Variants in NBEAL1 observed in about 807,000 individuals in gnomAD.
The protein encoded by NBEAL1 is neurobeachin-like protein 1.
In NBEAL1, 273 loss-of-function variants were observed where a neutral mutation model predicts 351.3. The observed-to-expected ratio is 0.78, with a 90% confidence interval of 0.70 to 0.86. The LOEUF is 0.86. Ranked by LOEUF, NBEAL1 falls within the 40% of genes least tolerant of loss-of-function variation. The pLI is 0.00. For synonymous variants in NBEAL1, 1,050 were observed against 1,086.4 expected, an observed-to-expected ratio of 0.97 and a Z score of 0.66; for missense variants, 2,961 against 3,201.3, an observed-to-expected ratio of 0.92 and a Z score of 1.81.
chr2:203,172,863 T>G lies in NBEAL1; in HGVS notation c.6323+10T>G, dbSNP rs1192990038. The G allele has an allele frequency of 1.3e-6, 2 of 1,589,152 alleles. No individual in the cohort carries two copies. Among genetic ancestry groups the G allele is most frequent in the African/African-American group, 2.7e-5 (2 of 73,778 alleles). On this transcript the variant is annotated intron_variant, in intron 41 of 55. Transcript: ENST00000683969. ...AAGCTATGAGAGAAAAGTAAGTGCTTCTTATTCCTTTTATAAAATACACAT... is the reference window on the plus strand; with the variant it reads ...AAGCTATGAGAGAAAAGTAAGTGCTGCTTATTCCTTTTATAAAATACACAT...
At chr2:203,036,581 A>G (rs1439159048) in intron 2 of NBEAL1, among the ~76,000 whole-genome samples, 1 of 149,190 alleles carries the variant, frequency 6.7e-6, no homozygotes, top group African/African-American at 2.4e-5. Flanking sequence ...TCTTCATTGG[A>G]TAGTTGTAAG....
At chr2:203,188,669 C>A in intron 45 of NBEAL1, 80 bp downstream of exon 45, 1 of 728,738 alleles carries the variant, frequency 1.4e-6, no homozygotes, top group Non-Finnish European at 2.2e-6. Flanking sequence ...TATTTGAAGC[C>A]TATTTAATAT....
At chr2:203,080,422 TTTC>T (rs934641553) in intron 8 of NBEAL1, among the ~76,000 whole-genome samples, 21 of 152,070 alleles carry the variant, frequency 1.4e-4, no homozygotes, top group Non-Finnish European at 2.8e-4. Flanking sequence ...AAAAAAAAAG[TTTC>T]TTATCTGTTT....
intron 35 of NBEAL1, among the ~76,000 whole-genome samples, chr2:203,153,462 T>C (rs1312932757): frequency 2.0e-5 from 3 of 152,126 alleles, no homozygotes; most frequent in African/African-American, 7.2e-5. Flanking sequence ...TTTTTTTTAA[T>C]TGCCCTAACA....
In NBEAL1 at chr2:203,145,159, A is replaced by T. The variant is rs1390526294; in HGVS notation, c.5303A>T (p.Gln1768Leu). Reference sequence around the variant, plus strand: ...GGAGGGGAAAGCAAGCTCAAATTTCAGGTAAAAAGTAAATGTTTTAATATC... The same window carrying T: ...GGAGGGGAAAGCAAGCTCAAATTTCTGGTAAAAAGTAAATGTTTTAATATC... ...REGGESKLKFQELFVEPFNRK... is the reference protein window; with the variant it reads ...REGGESKLKFLELFVEPFNRK... Residue 1768 changes from glutamine to leucine, a missense_variant and splice_region_variant, in exon 33 of 56, where the codon CAG becomes CTG. Transcript: ENST00000683969. 3 of 1,603,046 alleles carry T rather than the reference A, an allele frequency of 1.9e-6. No individual in the cohort carries two copies. Among genetic ancestry groups the T allele is most frequent in the Non-Finnish European group, 2.5e-6 (3 of 1,176,898 alleles).
rs2063269201 is a variant in NBEAL1 at position 203,138,201 on chromosome 2, CAG to C, written c.4609_4610del (p.Glu1537SerfsTer4). 1.2e-6 allele frequency: 2 copies of C among 1,613,862 alleles called. No individual in the cohort carries two copies. Among genetic ancestry groups the C allele is most frequent in the African/African-American group, 1.3e-5 (1 of 74,884 alleles). On this transcript the variant is annotated frameshift_variant, in exon 30 of 56. Transcript: ENST00000683969. LOFTEE classifies it high-confidence loss of function. ...KMLEWAISEN[R>X]EAKTNPVTAE... ...TGTTAGAATGGGCAATCTCAGAAAA[CAG>C]AGAAGCAAAAACTAATCCAGTAACT...
rs544489578 is a variant in NBEAL1 at position 203,183,224 on chromosome 2, C to T, written c.6596-55C>T. On this transcript the variant is annotated intron_variant, in intron 43 of 55. Transcript: ENST00000683969. ...TGTGCCCTCATTAGTGTTTGTTTTA[C>T]TTCGTTTATTATAATCTAAAATGAT... 4.4e-5 allele frequency: 44 copies of T among 995,128 alleles called. 1 individual carries two copies. The South Asian group carries it at 6.7e-4, about 15-fold the overall frequency. The allele number at this position is 995,128 out of a possible 1,614,324, so 61.6% of individuals were successfully genotyped here.
At chr2:203,082,735 G>C (rs1039027691) in intron 8 of NBEAL1, among the ~76,000 whole-genome samples, 1 of 152,120 alleles carries the variant, frequency 6.6e-6, no homozygotes, top group African/African-American at 2.4e-5. Flanking sequence ...CCAGGGTTAG[G>C]CAGTTTTGAG....
At position 203,051,641 on chromosome 2, in the gene NBEAL1, C is replaced by T. The variant is rs2061324265; in HGVS notation, c.305+1666C>T. Among the ~76,000 whole-genome samples, 3 of 151,834 alleles carry T rather than the reference C, an allele frequency of 2.0e-5. No homozygotes were observed. In the South Asian group the frequency reaches 6.2e-4, roughly 32 times the overall value. On this transcript the variant is annotated intron_variant, in intron 4 of 55. Transcript: ENST00000683969. Reference sequence around the variant, plus strand: ...GCTATATTTTCCTGCTAGCTACCTACTACAATTTTGCTGAAATCAAAAATC... The same window carrying T: ...GCTATATTTTCCTGCTAGCTACCTATTACAATTTTGCTGAAATCAAAAATC...
At chr2:203,028,109 C>T (rs1424273905) in intron 2 of NBEAL1, among the ~76,000 whole-genome samples, 1 of 151,960 alleles carries the variant, frequency 6.6e-6, no homozygotes, top group Non-Finnish European at 1.5e-5. Context: ...GTCTTGATCT[C>T]TTGACCTAGT....
At chr2:203,127,425 T>C (rs1390986872) in intron 23 of NBEAL1, among the ~76,000 whole-genome samples, 2 of 152,150 alleles carry the variant, frequency 1.3e-5, no homozygotes, top group African/African-American at 2.4e-5. Context: ...GTAGAAAATA[T>C]AGAAATGTAA....
intron 42 of NBEAL1, 97 bp from the exon 43 acceptor site, chr2:203,180,285 A>G (rs2064665855): frequency 1.9e-6 from 2 of 1,058,700 alleles, no homozygotes; most frequent in East Asian, 5.1e-5. Flanking sequence ...CAGTACCTCT[A>G]ATCATTAGGA....
Position 203,084,475 on chromosome 2 carries a change from C to A in NBEAL1, c.1004C>A (p.Ala335Asp), listed in dbSNP as rs753627559. 1 of 1,470,086 alleles carries A rather than the reference C, an allele frequency of 6.8e-7. No homozygotes were observed. Among genetic ancestry groups the A allele is most frequent in the South Asian group, 1.4e-5 (1 of 69,298 alleles). 91.1% of individuals were successfully genotyped at this position (1,470,086 alleles called of 1,614,324 possible). ...LQIKMLNTIT[A>D]MLDCTDRPVL... ...TTTATTTTCCTAGATACCATCACAG[C>A]CATGTTAGATTGTACAGATAGACCT... The change falls in exon 10 of 56, where the codon GCC (alanine) becomes GAC (aspartate). Residue 335 changes from alanine (A) to aspartate (D), a missense_variant. Coordinates refer to ENST00000683969, the MANE Select transcript of NBEAL1 (RefSeq NM_001378026.1).
intron 3 of NBEAL1, among the ~76,000 whole-genome samples, chr2:203,042,650 C>T (rs775093829): frequency 2.0e-4 from 30 of 151,050 alleles, no homozygotes; most frequent in Non-Finnish European, 3.5e-4. Flanking sequence ...TGCAGTGGCA[C>T]GATCTTGGCT....
In NBEAL1 at chr2:203,217,985, GT is replaced by G; in HGVS notation, c.*632del. ...CTTAATAAAAATTGAGTAGAAAAAA[GT>G]GGAACTAGAGATACATTTTACAGAT... is the stretch of plus-strand genomic sequence containing the variant. On this transcript the variant is annotated 3_prime_UTR_variant, in exon 56 of 56. Transcript: ENST00000683969. The G allele has an allele frequency of 1.1e-6, 1 of 877,294 alleles. No homozygotes were observed. The highest frequency in any genetic ancestry group is 1.4e-6 in the Non-Finnish European group (1 of 731,720). 54.3% of individuals were successfully genotyped at this position (877,294 alleles called of 1,614,324 possible). A position where few individuals can be genotyped will look rare whatever the true frequency, so the allele number is the denominator to read the frequency against.
chr2:203,196,017 C>G (rs1450165819), intron 47 of NBEAL1, among the ~76,000 whole-genome samples: 1 of 152,222 alleles, frequency 6.6e-6, no homozygotes, highest in African/African-American at 2.4e-5. Flanking sequence ...AAAGGCCAGT[C>G]TTGCAAGTAG....
intron 7 of NBEAL1, among the ~76,000 whole-genome samples, chr2:203,076,518 G>T (rs2061777038): frequency 6.8e-6 from 1 of 146,332 alleles, no homozygotes; most frequent in South Asian, 2.1e-4. Context: ...GAAAGATGTA[G>T]TAATGTCCAG....
intron 2 of NBEAL1, among the ~76,000 whole-genome samples, chr2:203,019,100 C>G (rs1417775487): frequency 6.6e-6 from 1 of 152,100 alleles, no homozygotes; most frequent in African/African-American, 2.4e-5. Flanking sequence ...GAGTTTTCTA[C>G]AGTTTGAACG....
At position 203,217,325 on chromosome 2, in the gene NBEAL1, A is replaced by G; in HGVS notation, c.8143A>G (p.Thr2715Ala). ...KRLSQISAGE[T>A]EYNTQDSK The stretch of plus-strand genomic sequence containing the variant: ...GCTCAGCCAGATTTCAGCTGGAGAA[A>G]CTGAATATAATACTCAAGATTCCAA... The change falls in exon 56 of 56, where the codon ACT becomes GCT. Residue 2715 changes from threonine to alanine, a missense_variant. Physicochemically the swap from Thr to Ala is moderately conservative, Grantham distance 58. Transcript: ENST00000683969. 2 of 1,595,232 alleles carry G rather than the reference A, an allele frequency of 1.3e-6. No homozygotes were observed. Among genetic ancestry groups the G allele is most frequent in the Non-Finnish European group, 1.7e-6 (2 of 1,171,950 alleles).
Sources: gnomAD v4.1 joint callset for allele counts (sites outside exome capture counted in the v4.1 genomes callset) on GRCh38, gnomAD v4.1.1 for gene constraint, MANE v1.5 for transcripts, NCBI Gene and HGNC (gene_info 2026-07-23, HGNC 2026-07-21) for gene names.